The following UST variants were observed in gnomAD, a reference collection of about 807,000 sequenced individuals.
UST encodes the protein chondroitin sulfate 2-O-sulfotransferase.
UST carries 21 observed loss-of-function variants against 45.6 expected under a neutral mutation model. The ratio of observed to expected loss-of-function variants is 0.46; its 90% CI spans 0.33 to 0.66. The LOEUF is 0.66. Among genes scored for constraint, UST ranks in the 30% least tolerant of loss-of-function variants. The pLI is 0.02. For synonymous variants in UST, 215 were observed against 200.6 expected (o/e 1.07, Z -0.61); for missense variants, 463 against 512.4 (o/e 0.90, Z 0.93).
chr6:148,827,991 C>G (rs1460416201), intron 1 of UST, among the ~76,000 whole-genome samples: 1 of 151,820 alleles, frequency 6.6e-6, no homozygotes, highest in Admixed American at 6.6e-5. Context: ...AGAAAAAAAG[C>G]TTTTTCATAG....
intron 1 of UST, among the ~76,000 whole-genome samples, chr6:148,850,482 G>A (rs1778082960): frequency 6.6e-6 from 1 of 152,144 alleles, no homozygotes; most frequent in African/African-American, 2.4e-5. Context: ...CCTGACCCAA[G>A]CATCTGGGTT....
At chr6:148,843,858 C>T (rs1002759658) in intron 1 of UST, among the ~76,000 whole-genome samples, 6 of 152,122 alleles carry the variant, frequency 3.9e-5, no homozygotes, top group African/African-American at 1.4e-4. Context: ...CTCCCATTTA[C>T]AGCACTTAGC....
chr6:148,899,302 T>C lies in UST; in HGVS notation c.291+12273T>C, dbSNP rs1189966226. ...TTTTAGTGGAGACGGGGTTTCACCATGTTAGCCAGAATGGTCTCGATCTCC... is the reference window on the plus strand; with the variant it reads ...TTTTAGTGGAGACGGGGTTTCACCACGTTAGCCAGAATGGTCTCGATCTCC... On this transcript the variant is annotated intron_variant, in intron 2 of 7. Transcript: ENST00000367463. 8.5e-5 allele frequency among the ~76,000 whole-genome samples: 13 copies of C among 152,234 alleles called. No individual in the cohort carries two copies. In the East Asian group the frequency reaches 2.5e-3, roughly 29 times the overall value.
At chr6:148,964,816 G>T in intron 5 of UST, 1 of 502,684 alleles carries the variant, frequency 2.0e-6, no homozygotes, top group South Asian at 2.4e-5. Context: ...GCTAGGTTTT[G>T]GGACCCAGAG....
chr6:148,860,733 T>G (rs1447843923), intron 1 of UST, among the ~76,000 whole-genome samples: 1 of 152,190 alleles, frequency 6.6e-6, no homozygotes, highest in African/African-American at 2.4e-5. Flanking sequence ...CGAAGGCCTT[T>G]TCTGCATCTA....
chr6:149,019,378 C>T (rs913560079), intron 6 of UST, 142 bp downstream of exon 6: 9 of 659,140 alleles, frequency 1.4e-5, no homozygotes, highest in South Asian at 1.1e-4. Flanking sequence ...ATTAATCTTT[C>T]AAGATAATAT....
chr6:148,901,671 C>A (rs1779261255), intron 2 of UST, among the ~76,000 whole-genome samples: 1 of 151,876 alleles, frequency 6.6e-6, no homozygotes, highest in South Asian at 2.1e-4. Flanking sequence ...GATTCTCCTG[C>A]CTCAGCCTCC....
chr6:148,980,235 A>G (rs1196671297), intron 5 of UST, among the ~76,000 whole-genome samples: 1 of 152,134 alleles, frequency 6.6e-6, no homozygotes, highest in Non-Finnish European at 1.5e-5. Context: ...GATTTTTTAA[A>G]AAGAGTTATT....
At chr6:149,021,290 G>A (rs949284656) in intron 6 of UST, 34 bp from the exon 7 acceptor site, 22 of 1,555,146 alleles carry the variant, frequency 1.4e-5, no homozygotes, top group Admixed American at 1.4e-4. Context: ...AAATATGAAT[G>A]TCTGATTTTA....
In UST at chr6:148,817,453, C is replaced by G. The variant is rs542391720; in HGVS notation, c.248-69533C>G. Among the ~76,000 whole-genome samples, 12 of 152,174 alleles carry G rather than the reference C, an allele frequency of 7.9e-5. No homozygotes were observed. The South Asian group carries it at 2.5e-3, about 32-fold the overall frequency. Reference sequence around the variant, plus strand: ...CCTGAGAACACGTGCCCAAGGTGGTCGGGGTGCAGCTTGGTTTTATACATT... The same window carrying G: ...CCTGAGAACACGTGCCCAAGGTGGTGGGGGTGCAGCTTGGTTTTATACATT... On this transcript the variant is annotated intron_variant, in intron 1 of 7. Coordinates refer to ENST00000367463, the MANE Select transcript of UST (RefSeq NM_005715.3).
At chr6:148,918,303 G>C (rs967161537) in intron 2 of UST, among the ~76,000 whole-genome samples, 2 of 152,180 alleles carry the variant, frequency 1.3e-5, no homozygotes, top group South Asian at 4.1e-4. Flanking sequence ...GTTTGAGAGT[G>C]TACTTGGAAA....
At position 148,993,732 on chromosome 6, in the gene UST, C is replaced by G. The variant is rs550909119; in HGVS notation, c.682-25407C>G. 9.2e-5 allele frequency among the ~76,000 whole-genome samples: 14 copies of G among 152,232 alleles called. No homozygotes were observed. The East Asian group carries it at 2.5e-3, about 27-fold the overall frequency. ...TGAGTGAGTTCTCAGGAGATCTGGC[C>G]ATTTAAAAGTGTGTGGCCCCTCCTC... On this transcript the variant is annotated intron_variant, in intron 5 of 7. Coordinates refer to ENST00000367463, the MANE Select transcript of UST (RefSeq NM_005715.3).
intron 2 of UST, among the ~76,000 whole-genome samples, chr6:148,911,475 C>A (rs568124471): frequency 3.2e-4 from 48 of 152,308 alleles, no homozygotes; most frequent in African/African-American, 1.1e-3. Flanking sequence ...ACTGACGGAA[C>A]CTTTGTCTCC....
At chr6:148,877,084 TGGGGGTCGTGTATGAGTAG>T (rs1778673855) in intron 1 of UST, among the ~76,000 whole-genome samples, 1 of 26,336 alleles carries the variant, frequency 3.8e-5, no homozygotes, top group Non-Finnish European at 6.5e-5. Context: ...TGTATTATTG[TGGGGGTCGTGTATGAGTAG>T]GGGGGTCATG....
At chr6:148,997,598 C>T (rs928792342) in intron 5 of UST, among the ~76,000 whole-genome samples, 1 of 152,182 alleles carries the variant, frequency 6.6e-6, no homozygotes, top group Middle Eastern at 3.4e-3. Flanking sequence ...TTTAGTGAAC[C>T]AACATAAACC....
At chr6:148,769,765 T>A in intron 1 of UST, among the ~76,000 whole-genome samples, 1 of 152,018 alleles carries the variant, frequency 6.6e-6, no homozygotes, top group Non-Finnish European at 1.5e-5. Context: ...TGTGTGTGTG[T>A]GTGTGTGTGT....
intron 1 of UST, among the ~76,000 whole-genome samples, chr6:148,773,566 C>A (rs1776474287): frequency 6.6e-6 from 1 of 152,134 alleles, no homozygotes; most frequent in South Asian, 2.1e-4. Context: ...ATGCAAATCC[C>A]AGAAGACTGT....
chr6:148,819,249 T>C (rs1777411397), intron 1 of UST, among the ~76,000 whole-genome samples: 1 of 152,094 alleles, frequency 6.6e-6, no homozygotes, highest in Admixed American at 6.5e-5. Flanking sequence ...GCAAAGCAAG[T>C]ATGGTTTAAA....
intron 2 of UST, among the ~76,000 whole-genome samples, chr6:148,935,196 G>A (rs1779996151): frequency 6.6e-6 from 1 of 152,174 alleles, no homozygotes; most frequent in Non-Finnish European, 1.5e-5. Context: ...AGGCTCTGGG[G>A]ATTTGTGGCA....
Sources: gnomAD v4.1 joint callset for allele counts (sites outside exome capture counted in the v4.1 genomes callset) on GRCh38, gnomAD v4.1.1 for gene constraint, MANE v1.5 for transcripts, NCBI Gene and HGNC (gene_info 2026-07-23, HGNC 2026-07-21) for gene names.